The following TNRC6C variants were observed in gnomAD, a reference collection of about 807,000 sequenced individuals.
TNRC6C encodes trinucleotide repeat containing adaptor 6C.
Under a neutral mutation model 153.7 loss-of-function variants are expected in TNRC6C, and 20 were observed. The observed-to-expected ratio is 0.13, with a 90% CI of 0.09 to 0.19. TNRC6C has a LOEUF of 0.19. TNRC6C is among the 10% of genes least tolerant of loss of function. The probability of loss-of-function intolerance (pLI) is 1.00; values close to 1 mark genes in which losing one functional copy is unlikely to be tolerated. For synonymous variants in TNRC6C, 811 were observed against 841.4 expected, an observed-to-expected ratio of 0.96 and a Z score of 0.63; for missense variants, 1,987 against 2,172.0, an observed-to-expected ratio of 0.91 and a Z score of 1.69.
rs149129537 is a variant in TNRC6C, at chr17:77,967,643, A to G, written c.-38+8375A>G. 1.2e-3 allele frequency among the ~76,000 whole-genome samples: 188 copies of G among 152,298 alleles called. 1 individual carries two copies. Among genetic ancestry groups the G allele is most frequent in the African/African-American group, 4.0e-3 (167 of 41,552 alleles). ...TTCCTGAGGCCTCTGGGCACTGCCA[A>G]TAAGTGCCACTGACCCAATCATGAA... On this transcript the variant is annotated intron_variant, in intron 1 of 22. Coordinates refer to the TNRC6C transcript ENST00000636222.
intron 1 of TNRC6C, among the ~76,000 whole-genome samples, chr17:78,025,275 C>T (rs1430636502): frequency 1.3e-5 from 2 of 152,158 alleles, no homozygotes. Flanking sequence ...TTTCACCATC[C>T]CTGTAGTTTT....
chr17:78,010,929 AG>A (rs1002795968), intron 1 of TNRC6C, among the ~76,000 whole-genome samples: 1 of 152,244 alleles, frequency 6.6e-6, no homozygotes, highest in African/African-American at 2.4e-5. Flanking sequence ...TGTGAAACAA[AG>A]GAAGTGAGCC....
chr17:77,973,286 C>T (rs2070955250), intron 1 of TNRC6C, among the ~76,000 whole-genome samples: 1 of 151,950 alleles, frequency 6.6e-6, no homozygotes, highest in Admixed American at 6.5e-5. Flanking sequence ...CAAAATCTAA[C>T]ATTCTTTCAT....
intron 2 of TNRC6C, among the ~76,000 whole-genome samples, chr17:78,044,338 T>G (rs1374831969): frequency 6.6e-6 from 1 of 152,260 alleles, no homozygotes; most frequent in African/African-American, 2.4e-5. Flanking sequence ...CAAACTGCTT[T>G]CAAGTATTGA....
intron 3 of TNRC6C, among the ~76,000 whole-genome samples, chr17:78,059,042 A>G (rs933932276): frequency 1.2e-4 from 18 of 152,236 alleles, no homozygotes; most frequent in African/African-American, 3.1e-4. Flanking sequence ...TATTGTTTCT[A>G]TAAGTCTCAT....
chr17:78,010,249 A>T (rs897347538), intron 1 of TNRC6C, among the ~76,000 whole-genome samples: 2 of 152,140 alleles, frequency 1.3e-5, no homozygotes, highest in Non-Finnish European at 2.9e-5. Context: ...GAGGTATTAA[A>T]CTTTACCATG....
intron 6 of TNRC6C, among the ~76,000 whole-genome samples, chr17:78,072,005 A>G (rs969560015): frequency 3.3e-5 from 5 of 152,230 alleles, no homozygotes; most frequent in Non-Finnish European, 7.3e-5. Context: ...TTCGCCATGT[A>G]TTCGCTTCAT....
At chr17:78,097,914 C>A in intron 16 of TNRC6C, 53 bp downstream of exon 19, 3 of 1,396,632 alleles carry the variant, frequency 2.1e-6, no homozygotes, top group Non-Finnish European at 2.9e-6. Context: ...TTTTCCCAAA[C>A]AAAACTTTGA....
intron 1 of TNRC6C, among the ~76,000 whole-genome samples, chr17:77,961,809 C>T (rs79115032): frequency 0.028 from 4,202 of 152,220 alleles, 175 homozygotes; most frequent in African/African-American, 0.096. Flanking sequence ...ATAACTAAGT[C>T]ATACAGAGGA....
intron 1 of TNRC6C, among the ~76,000 whole-genome samples, chr17:78,014,893 C>G (rs74548385): frequency 0.011 from 1,682 of 151,948 alleles, 30 homozygotes; most frequent in African/African-American, 0.039. Context: ...CAGATGGACC[C>G]TCCGTACTCA....
chr17:78,075,419 T>A lies in TNRC6C; in HGVS notation c.3060+141T>A. On this transcript the variant is annotated intron_variant, in intron 8 of 19. Transcript: ENST00000301624. The surrounding 1 kb of genome is among the most constrained non-coding windows in gnomAD (Gnocchi z 4.2). ...ACTTTTATCCATTTTTTTCTAACAT[T>A]ATGAACATTTAACTCAAAGAAGGGA... is the stretch of plus-strand genomic sequence containing the variant. 2.1e-6 allele frequency: 2 copies of A among 967,216 alleles called. No individual in the cohort carries two copies. The highest frequency in any genetic ancestry group is 3.0e-6 in the Non-Finnish European group (2 of 671,214). The allele number at this position is 967,216 out of a possible 1,614,324, so 59.9% of individuals were successfully genotyped here. A position where few individuals can be genotyped will look rare whatever the true frequency, so the allele number is the denominator to read the frequency against.
At chr17:77,997,536 C>T (rs1316506396) in intron 1 of TNRC6C, among the ~76,000 whole-genome samples, 2 of 152,198 alleles carry the variant, frequency 1.3e-5, no homozygotes, top group Middle Eastern at 3.2e-3. Flanking sequence ...CCAACACATA[C>T]TGTCTGCACT....
intron 3 of TNRC6C, among the ~76,000 whole-genome samples, chr17:78,059,151 C>T (rs982355258): frequency 2.6e-5 from 4 of 152,196 alleles, no homozygotes; most frequent in Admixed American, 6.5e-5. Flanking sequence ...AGACAGTCAC[C>T]TGCAGATGGA....
intron 13 of TNRC6C, among the ~76,000 whole-genome samples, chr17:78,087,798 C>G (rs78731097): frequency 0.081 from 12,308 of 152,282 alleles, 577 homozygotes; most frequent in East Asian, 0.18. Flanking sequence ...GAAGCACACT[C>G]AGCACTTGAA....
intron 18 of TNRC6C, among the ~76,000 whole-genome samples, chr17:78,103,136 G>C (rs2073628065): frequency 6.6e-6 from 1 of 152,336 alleles, no homozygotes; most frequent in African/African-American, 2.4e-5. Flanking sequence ...TGTGCGACGT[G>C]CTCTGGTGAA....
intron 1 of TNRC6C, among the ~76,000 whole-genome samples, chr17:77,966,836 G>A (rs1284169088): frequency 1.3e-5 from 2 of 152,148 alleles, no homozygotes; most frequent in East Asian, 3.8e-4. Context: ...ACAGTCCCAG[G>A]TATATAGTAA....
At chr17:78,065,159 G>A (rs1299867745) in intron 4 of TNRC6C, among the ~76,000 whole-genome samples, 1 of 152,056 alleles carries the variant, frequency 6.6e-6, no homozygotes, top group African/African-American at 2.4e-5. Context: ...GACCAGCCTA[G>A]GCAGCATAGT....
At chr17:78,025,191 T>C (rs1185930042) in intron 1 of TNRC6C, among the ~76,000 whole-genome samples, 1 of 152,242 alleles carries the variant, frequency 6.6e-6, no homozygotes, top group Non-Finnish European at 1.5e-5. Flanking sequence ...GTATCTGTCA[T>C]AGCAGTTTCC....
intron 1 of TNRC6C, among the ~76,000 whole-genome samples, chr17:77,962,084 G>A (rs921026226): frequency 7.2e-5 from 11 of 152,232 alleles, no homozygotes; most frequent in Non-Finnish European, 2.9e-5. Context: ...AACCCCAATT[G>A]AAGGGGATGA....
Sources: gnomAD v4.1 joint callset for allele counts (sites outside exome capture counted in the v4.1 genomes callset) on GRCh38, gnomAD v4.1.1 for gene constraint, Gnocchi (gnomAD v3.1) non-coding constraint, MANE v1.5 for transcripts, NCBI Gene and HGNC (gene_info 2026-07-23, HGNC 2026-07-21) for gene names.